The following DCC variants were observed in gnomAD, a reference collection of about 807,000 sequenced individuals.
DCC encodes the protein netrin receptor DCC.
A neutral mutation model predicts 172.5 loss-of-function variants in DCC; 58 were observed. The observed-to-expected ratio is 0.34, with a 90% CI of 0.27 to 0.42. The LOEUF is 0.42. Among genes scored for constraint, DCC ranks in the 10% least tolerant of loss-of-function variants. DCC has a pLI of 1.00. For synonymous variants in DCC, 709 were observed against 644.5 expected (o/e 1.10, Z -1.52); for missense variants, 1,740 against 1,791.0 (o/e 0.97, Z 0.51).
chr18:53,225,055 G>C (rs1367638), intron 12 of DCC, among the ~76,000 whole-genome samples: 52,753 of 151,962 alleles, frequency 0.35, 10,495 homozygotes, highest in Non-Finnish European at 0.46. Context: ...AAAAGAGGAA[G>C]GGTGATTTCA....
chr18:52,833,443 C>T (rs1471176918), intron 2 of DCC, among the ~76,000 whole-genome samples: 4 of 152,214 alleles, frequency 2.6e-5, no homozygotes, highest in South Asian at 4.2e-4. Flanking sequence ...TGATAAATAG[C>T]AAGCACATCC....
At chr18:52,657,877 A>G (rs776505963) in intron 1 of DCC, among the ~76,000 whole-genome samples, 1 of 152,094 alleles carries the variant, frequency 6.6e-6, no homozygotes, top group Non-Finnish European at 1.5e-5. Context: ...ATATCACTTA[A>G]CCTCTCTGGA....
intron 1 of DCC, among the ~76,000 whole-genome samples, chr18:52,526,635 G>T (rs1206627871): frequency 6.6e-6 from 1 of 152,044 alleles, no homozygotes; most frequent in Non-Finnish European, 1.5e-5. Flanking sequence ...AGACTTCAAA[G>T]AATTCAATGA....
intron 22 of DCC, among the ~76,000 whole-genome samples, chr18:53,439,861 T>C (rs1912161233): frequency 1.4e-5 from 2 of 145,030 alleles, no homozygotes; most frequent in South Asian, 4.5e-4. Context: ...GCCTCCCGGG[T>C]TCACGCCATT....
chr18:52,885,067 C>G (rs192733494), intron 2 of DCC, among the ~76,000 whole-genome samples: 95 of 152,260 alleles, frequency 6.2e-4, no homozygotes, highest in African/African-American at 2.1e-3. Context: ...CACAAGCACT[C>G]CTGTGGCTAC....
chr18:53,147,319 C>G (rs566495585), intron 7 of DCC, among the ~76,000 whole-genome samples: 15 of 152,244 alleles, frequency 9.9e-5, no homozygotes, highest in African/African-American at 3.6e-4. Flanking sequence ...CTTTCTCTCT[C>G]TCTCAGAAAT....
intron 1 of DCC, among the ~76,000 whole-genome samples, chr18:52,595,181 A>G (rs914912115): frequency 1.6e-4 from 24 of 152,356 alleles, no homozygotes; most frequent in African/African-American, 4.6e-4. Flanking sequence ...ACAAAAACTT[A>G]CAGGCATATT....
At chr18:53,120,081 A>G (rs1213886523) in intron 7 of DCC, among the ~76,000 whole-genome samples, 3 of 151,836 alleles carry the variant, frequency 2.0e-5, no homozygotes, top group African/African-American at 7.2e-5. Context: ...CATGGTATAT[A>G]TCCAGCTGTA....
chr18:52,540,751 C>G (rs1034451876), intron 1 of DCC, among the ~76,000 whole-genome samples: 1 of 151,692 alleles, frequency 6.6e-6, no homozygotes, highest in East Asian at 2.0e-4. Flanking sequence ...GGACTACAGG[C>G]GCCCGCCACC....
chr18:53,089,623 C>T (rs921999681), intron 7 of DCC, among the ~76,000 whole-genome samples: 14 of 151,626 alleles, frequency 9.2e-5, no homozygotes, highest in African/African-American at 3.2e-4. Context: ...AAACTTAAAC[C>T]TTCTTTATGG....
chr18:53,429,453 C>T (rs1331896421), intron 21 of DCC, among the ~76,000 whole-genome samples: 3 of 151,354 alleles, frequency 2.0e-5, no homozygotes, highest in African/African-American at 7.3e-5. Context: ...TCATTTTATT[C>T]GTGTGTGAAA....
In DCC at chr18:53,532,436, T is replaced by C. The variant is rs1157911164; in HGVS notation, c.*1783T>C. The C allele has an allele frequency of 6.6e-6, 1 of 152,216 alleles. No individual in the cohort carries two copies. Among genetic ancestry groups the C allele is most frequent in the Non-Finnish European group, 1.5e-5 (1 of 68,036 alleles). 9.4% of individuals were successfully genotyped at this position (152,216 alleles called of 1,614,324 possible). ...TTGTTCCTTCAACAAGAGTGCTCAT[T>C]CAAGTTACTCAGATTTTCTGGAAGT... On this transcript the variant is annotated 3_prime_UTR_variant, in exon 29 of 29. Coordinates refer to ENST00000442544, the MANE Select transcript of DCC (RefSeq NM_005215.4).
chr18:53,228,230 G>A (rs2056065390), intron 12 of DCC, among the ~76,000 whole-genome samples: 1 of 151,324 alleles, frequency 6.6e-6, no homozygotes, highest in African/African-American at 2.4e-5. Flanking sequence ...AAATATAATG[G>A]CATTTAAAGA....
chr18:52,550,952 T>A (rs922406457), intron 1 of DCC, among the ~76,000 whole-genome samples: 7 of 151,930 alleles, frequency 4.6e-5, no homozygotes, highest in Admixed American at 4.6e-4. Context: ...AGTTTATTTT[T>A]AAAAAAATGA....
intron 2 of DCC, among the ~76,000 whole-genome samples, chr18:52,868,572 C>G (rs1200706498): frequency 6.6e-6 from 1 of 152,310 alleles, no homozygotes; most frequent in East Asian, 1.9e-4. Context: ...TAGGCATGGA[C>G]CAAGCTAATT....
chr18:53,349,558 A>G (rs551491410), intron 15 of DCC, among the ~76,000 whole-genome samples: 2 of 152,308 alleles, frequency 1.3e-5, no homozygotes, highest in East Asian at 3.9e-4. Context: ...CTTGTAAGAC[A>G]TACCCAAGAC....
chr18:52,852,760 T>C (rs1462333194), intron 2 of DCC, among the ~76,000 whole-genome samples: 1 of 152,168 alleles, frequency 6.6e-6, no homozygotes, highest in Non-Finnish European at 1.5e-5. Flanking sequence ...CCAAGCCACA[T>C]AAATAACAGG....
intron 12 of DCC, among the ~76,000 whole-genome samples, chr18:53,248,347 G>T (rs2056389326): frequency 6.6e-6 from 1 of 151,944 alleles, no homozygotes; most frequent in Non-Finnish European, 1.5e-5. Flanking sequence ...GGTCCTGTGG[G>T]CATACTGTGG....
intron 14 of DCC, among the ~76,000 whole-genome samples, chr18:53,325,196 C>CAAAAA (rs750007696): frequency 3.1e-5 from 2 of 65,086 alleles, no homozygotes; most frequent in Admixed American, 2.0e-4. Flanking sequence ...GACTCCATCT[C>CAAAAA]AAAAAAAAAA....
Sources: gnomAD v4.1 joint callset for allele counts (sites outside exome capture counted in the v4.1 genomes callset) on GRCh38, gnomAD v4.1.1 for gene constraint, MANE v1.5 for transcripts, NCBI Gene and HGNC (gene_info 2026-07-23, HGNC 2026-07-21) for gene names.